Variants in STPG4 observed in about 807,000 individuals in gnomAD.
The protein encoded by STPG4 is sperm-tail PG-rich repeat containing 4.
Under a neutral mutation model 31.5 loss-of-function variants are expected in STPG4, and 41 were observed. The observed-to-expected ratio is 1.30, with a 90% confidence interval of 1.01 to 1.69. STPG4 has a LOEUF of 1.69. Ranked by LOEUF, STPG4 falls within the 40% of genes most tolerant of loss-of-function variation. The pLI is 0.00. For synonymous variants in STPG4, 141 were observed against 103.0 expected (o/e 1.37, Z -2.24); for missense variants, 375 against 293.4 (o/e 1.28, Z -2.03).
chr2:47,129,707 C>T, intron 5 of STPG4: 3 of 479,036 alleles, frequency 6.3e-6, no homozygotes, highest in Non-Finnish European at 1.1e-5. Flanking sequence ...ACCCTACCCT[C>T]TTCAGTGCCT....
intron 3 of STPG4, among the ~76,000 whole-genome samples, chr2:47,142,065 A>G (rs1686723262): frequency 6.6e-6 from 1 of 151,466 alleles, no homozygotes; most frequent in South Asian, 2.1e-4. Context: ...TCATTTTACC[A>G]TGGAGCATTC....
At chr2:47,136,615 A>C (rs1271069707) in intron 3 of STPG4, among the ~76,000 whole-genome samples, 1 of 152,198 alleles carries the variant, frequency 6.6e-6, no homozygotes, top group African/African-American at 2.4e-5. Flanking sequence ...TTTATAATGC[A>C]AATAATCCTT....
intron 5 of STPG4, among the ~76,000 whole-genome samples, chr2:47,094,660 A>G (rs1685635274): frequency 6.6e-6 from 1 of 152,170 alleles, no homozygotes; most frequent in Admixed American, 6.5e-5. Context: ...GAGCTGAGCT[A>G]TCTGCCTGGC....
chr2:47,145,414 T>C (rs928959839), intron 3 of STPG4, among the ~76,000 whole-genome samples: 2 of 152,220 alleles, frequency 1.3e-5, no homozygotes, highest in African/African-American at 4.8e-5. Context: ...TGAGAGATTA[T>C]AACCATGGGC....
chr2:47,119,800 C>G (rs1038065319), intron 5 of STPG4, among the ~76,000 whole-genome samples: 17 of 152,164 alleles, frequency 1.1e-4, no homozygotes, highest in African/African-American at 3.4e-4. Context: ...GAGGGCCAGA[C>G]AGCTAATGTT....
At chr2:47,098,927 C>G (rs11125117) in intron 5 of STPG4, among the ~76,000 whole-genome samples, 120,474 of 152,082 alleles carry the variant, frequency 0.79, 49,027 homozygotes, top group South Asian at 0.95. Flanking sequence ...GTTCCCAAGA[C>G]AAGGGGGTCA....
rs184054875 is a variant in STPG4, at chr2:47,102,737, C to T, written c.520-12363G>A. ...ATCTCCAAAGGACCATAAAAAACCCCGGGCTATCGGTTATGTCCCCTTCAA... is the reference window on the plus strand; with the variant it reads ...ATCTCCAAAGGACCATAAAAAACCCTGGGCTATCGGTTATGTCCCCTTCAA... On this transcript the variant is annotated intron_variant, in intron 5 of 6. Coordinates refer to ENST00000445927, the MANE Select transcript of STPG4 (RefSeq NM_001163561.2). 5.2e-4 allele frequency among the ~76,000 whole-genome samples: 79 copies of T among 151,942 alleles called. 1 individual carries two copies. Among genetic ancestry groups the T allele is most frequent in the South Asian group, 2.3e-3 (11 of 4,790 alleles).
chr2:47,088,819 C>T (rs1685511674), intron 6 of STPG4, among the ~76,000 whole-genome samples: 1 of 152,140 alleles, frequency 6.6e-6, no homozygotes, highest in Admixed American at 6.5e-5. Context: ...CAAGTCCTAG[C>T]CAAACGTCAA....
At chr2:47,112,331 T>A (rs1289245827) in intron 5 of STPG4, among the ~76,000 whole-genome samples, 1 of 149,604 alleles carries the variant, frequency 6.7e-6, no homozygotes, top group East Asian at 1.9e-4. Flanking sequence ...CACACCCAGC[T>A]AATTTTTGTT....
At chr2:47,143,630 C>A in intron 3 of STPG4, among the ~76,000 whole-genome samples, 1 of 152,050 alleles carries the variant, frequency 6.6e-6, no homozygotes, top group Non-Finnish European at 1.5e-5. Context: ...GGACTATAGG[C>A]GTGCGCCACC....
rs547142831 is a variant in STPG4 at position 47,098,507 on chromosome 2, T to C, written c.520-8133A>G. Among the ~76,000 whole-genome samples, 59 of 152,272 alleles carry C rather than the reference T, an allele frequency of 3.9e-4. 1 individual carries two copies. Among genetic ancestry groups the C allele is most frequent in the African/African-American group, 1.3e-3 (52 of 41,548 alleles). On this transcript the variant is annotated intron_variant, in intron 5 of 6. Transcript: ENST00000445927. ...TATCAGTAGTTAGTTCTAAGCTGTT[T>C]TTCTTTAAAATCGTAAAGCTAAAGG...
intron 3 of STPG4, among the ~76,000 whole-genome samples, chr2:47,137,524 C>G (rs896071059): frequency 9.9e-5 from 15 of 152,136 alleles, no homozygotes; most frequent in African/African-American, 3.6e-4. Flanking sequence ...CCCCTGCCCT[C>G]TATCTTCTGA....
chr2:47,132,444 T>C (rs1388515293), intron 3 of STPG4, among the ~76,000 whole-genome samples: 1 of 152,238 alleles, frequency 6.6e-6, no homozygotes, highest in Non-Finnish European at 1.5e-5. Context: ...ACCCTGCAGC[T>C]GTCTTTCCCA....
chr2:47,122,935 C>A (rs912607535), intron 5 of STPG4, among the ~76,000 whole-genome samples: 1 of 152,158 alleles, frequency 6.6e-6, no homozygotes, highest in Admixed American at 6.6e-5. Flanking sequence ...AAGCCATTCT[C>A]CTGCCTCAGC....
chr2:47,113,734 A>G (rs191985855), intron 5 of STPG4, among the ~76,000 whole-genome samples: 10 of 152,280 alleles, frequency 6.6e-5, no homozygotes, highest in Non-Finnish European at 1.0e-4. Context: ...CAATCCTTAA[A>G]AAGTGATGCC....
intron 5 of STPG4, among the ~76,000 whole-genome samples, chr2:47,128,578 C>T (rs1573181782): frequency 6.6e-6 from 1 of 152,250 alleles, no homozygotes; most frequent in Non-Finnish European, 1.5e-5. Context: ...CTCTATGCCA[C>T]TCAGGCCTGT....
At chr2:47,154,851 G>A (rs891061940) in intron 1 of STPG4, among the ~76,000 whole-genome samples, 1 of 152,172 alleles carries the variant, frequency 6.6e-6, no homozygotes, top group Non-Finnish European at 1.5e-5. Flanking sequence ...GGAGCGGAAA[G>A]GGAAAGAAAT....
chr2:47,122,672 G>A lies in STPG4; in HGVS notation c.519+7269C>T, dbSNP rs182151590. 1.0e-2 allele frequency among the ~76,000 whole-genome samples: 1,152 copies of A among 115,752 alleles called. 14 individuals are homozygous for A. The highest frequency in any genetic ancestry group is 0.03 in the African/African-American group (1,072 of 36,116). 75.9% of individuals were successfully genotyped at this position (115,752 alleles called of 152,430 possible). A position where few individuals can be genotyped will look rare whatever the true frequency, so the allele number is the denominator to read the frequency against. On this transcript the variant is annotated intron_variant, in intron 5 of 6. Transcript: ENST00000445927. ...ATTCTAGGATCTGTTTCTGAGCTCTGTTCAGTTTTCTCAATTTTTTTTTTT... is the reference window on the plus strand; with the variant it reads ...ATTCTAGGATCTGTTTCTGAGCTCTATTCAGTTTTCTCAATTTTTTTTTTT...
rs547088958 is a variant in STPG4, at chr2:47,102,771, G to C, written c.520-12397C>G. On this transcript the variant is annotated intron_variant, in intron 5 of 6. Coordinates refer to ENST00000445927, the MANE Select transcript of STPG4 (RefSeq NM_001163561.2). Reference sequence around the variant, plus strand: ...GGTTATGTCCCCTTCAAGCTGTAGGGGGAGGGGAATTTGGCCCAACCCGGG... The same window carrying C: ...GGTTATGTCCCCTTCAAGCTGTAGGCGGAGGGGAATTTGGCCCAACCCGGG... Among the ~76,000 whole-genome samples, 57 of 151,898 alleles carry C rather than the reference G, an allele frequency of 3.8e-4. 2 individuals carry two copies. The highest frequency in any genetic ancestry group is 1.4e-3 in the African/African-American group (56 of 41,278).
Sources: allele counts gnomAD v4.1 joint callset (sites outside exome capture counted in the v4.1 genomes callset), GRCh38; gene constraint gnomAD v4.1.1; transcripts MANE v1.5; gene names NCBI Gene and HGNC (gene_info 2026-07-23, HGNC 2026-07-21).